ZEB1: variants seen among roughly 807,000 people sequenced by gnomAD.
The protein encoded by ZEB1 is zinc finger E-box-binding homeobox 1.
A neutral mutation model predicts 84.9 loss-of-function variants in ZEB1; 21 were observed. The observed-to-expected ratio is 0.25, with a 90% CI of 0.18 to 0.36. The LOEUF (loss-of-function observed/expected upper bound fraction) is 0.36, where lower values mean the gene tolerates loss of function less well. ZEB1 is among the 10% of genes least tolerant of loss of function. The probability of loss-of-function intolerance (pLI) is 1.00; values close to 1 mark genes in which losing one functional copy is unlikely to be tolerated. For missense variants in ZEB1, 1,104 were observed against 1,330.2 expected (o/e 0.83, Z 2.65); for synonymous variants, 420 against 471.1 (o/e 0.89, Z 1.41).
At chr10:31,522,383 T>C (rs1247820542) in intron 7 of ZEB1, among the ~76,000 whole-genome samples, 1 of 152,208 alleles carries the variant, frequency 6.6e-6, no homozygotes, top group Middle Eastern at 3.2e-3. Flanking sequence ...TACTAATACA[T>C]CTGTTTATAA....
intron 1 of ZEB1, among the ~76,000 whole-genome samples, chr10:31,368,815 G>C (rs1473809197): frequency 2.6e-5 from 4 of 152,162 alleles, no homozygotes; most frequent in African/African-American, 9.7e-5. Context: ...TGGCTGTGGT[G>C]GTGGTATGGT....
At chr10:31,426,406 A>T (rs557598963) in intron 1 of ZEB1, among the ~76,000 whole-genome samples, 1 of 152,112 alleles carries the variant, frequency 6.6e-6, no homozygotes, top group East Asian at 1.9e-4. Context: ...GTAGGTATTC[A>T]TTGACTCGTA....
intron 1 of ZEB1, among the ~76,000 whole-genome samples, chr10:31,349,133 A>T (rs1249038128): frequency 6.6e-6 from 1 of 151,814 alleles, no homozygotes; most frequent in Non-Finnish European, 1.5e-5. Context: ...CATGATTTAG[A>T]CTGTTTTAGA....
intron 6 of ZEB1, among the ~76,000 whole-genome samples, chr10:31,518,916 T>G (rs1214119297): frequency 6.6e-6 from 1 of 152,172 alleles, no homozygotes; most frequent in African/African-American, 2.4e-5. Flanking sequence ...ATAACTCACA[T>G]GTTTAAACTA....
intron 1 of ZEB1, among the ~76,000 whole-genome samples, chr10:31,414,687 A>G (rs1007823457): frequency 1.3e-5 from 2 of 152,174 alleles, no homozygotes; most frequent in African/African-American, 4.8e-5. Context: ...GTAACTCATT[A>G]CAGAATGTCT....
chr10:31,334,421 TAGC>T (rs2037550129), intron 1 of ZEB1, among the ~76,000 whole-genome samples: 1 of 152,114 alleles, frequency 6.6e-6, no homozygotes, highest in Non-Finnish European at 1.5e-5. Flanking sequence ...CTTGTAATGA[TAGC>T]AGTAAATTAT....
At chr10:31,495,528 T>C (rs2067099276) in intron 2 of ZEB1, among the ~76,000 whole-genome samples, 1 of 152,072 alleles carries the variant, frequency 6.6e-6, no homozygotes. Context: ...AAATATAATC[T>C]GTACTGAAAG....
chr10:31,410,861 T>C (rs1240285718), intron 1 of ZEB1, among the ~76,000 whole-genome samples: 1 of 152,240 alleles, frequency 6.6e-6, no homozygotes, highest in Non-Finnish European at 1.5e-5. Context: ...ATCCCCTTTA[T>C]CATTTTTTAT....
chr10:31,427,522 G>C (rs865862854), intron 1 of ZEB1, among the ~76,000 whole-genome samples: 11 of 151,944 alleles, frequency 7.2e-5, no homozygotes, highest in South Asian at 2.1e-4. Context: ...CCTTTCCTCT[G>C]TCTGAGACAT....
At chr10:31,416,085 C>G (rs1384521338) in intron 1 of ZEB1, among the ~76,000 whole-genome samples, 4 of 151,956 alleles carry the variant, frequency 2.6e-5, no homozygotes, top group East Asian at 3.9e-4. Flanking sequence ...TACAGTTTTG[C>G]CCTGTGTAGA....
At chr10:31,427,650 C>G (rs950048353) in intron 1 of ZEB1, among the ~76,000 whole-genome samples, 12 of 151,910 alleles carry the variant, frequency 7.9e-5, no homozygotes, top group African/African-American at 1.5e-4. Context: ...TCAGGAGATC[C>G]AGACCATCCT....
chr10:31,437,573 A>G (rs996245238), intron 1 of ZEB1, among the ~76,000 whole-genome samples: 1 of 152,204 alleles, frequency 6.6e-6, no homozygotes, highest in Admixed American at 6.5e-5. Flanking sequence ...TTACAAAACT[A>G]GGCTCAGGGA....
chr10:31,519,592 A>G (rs1163898007), intron 6 of ZEB1, among the ~76,000 whole-genome samples: 1 of 152,210 alleles, frequency 6.6e-6, no homozygotes, highest in African/African-American at 2.4e-5. Context: ...AGAATATCTT[A>G]TATAAGTTTT....
At chr10:31,454,216 A>C (rs1175230753) in intron 1 of ZEB1, among the ~76,000 whole-genome samples, 1 of 152,194 alleles carries the variant, frequency 6.6e-6, no homozygotes, top group Admixed American at 6.5e-5. Context: ...ACACCCCTTC[A>C]TGCTAGAAAC....
intron 1 of ZEB1, among the ~76,000 whole-genome samples, chr10:31,372,419 A>G (rs1005416888): frequency 1.3e-5 from 2 of 152,064 alleles, no homozygotes; most frequent in African/African-American, 4.8e-5. Context: ...ATCGTATATA[A>G]ATGACAGGCC....
chr10:31,406,745 T>A (rs1275518745), intron 1 of ZEB1, among the ~76,000 whole-genome samples: 1 of 152,206 alleles, frequency 6.6e-6, no homozygotes, highest in African/African-American at 2.4e-5. Flanking sequence ...CTTTTGGTGT[T>A]TTGTTCATGA....
In ZEB1 at chr10:31,484,474, G is replaced by GA. The variant is rs530896214; in HGVS notation, c.260-11296dup. Among the ~76,000 whole-genome samples the GA allele has an allele frequency of 5.9e-4, 90 of 151,980 alleles. 1 individual carries two copies. The East Asian group carries it at 7.0e-3, about 12-fold the overall frequency. On this transcript the variant is annotated intron_variant, in intron 2 of 8. Transcript: ENST00000424869. ...TTACTTAGCCCTATTTTATGGATGA[G>GA]AAAAAATAAGTACAAAAGACATTAG...
chr10:31,418,420 G>A (rs2055587098), intron 1 of ZEB1, among the ~76,000 whole-genome samples: 1 of 152,066 alleles, frequency 6.6e-6, no homozygotes, highest in Non-Finnish European at 1.5e-5. Context: ...TTGAGCTGCA[G>A]AAGAATGCCA....
At chr10:31,351,746 T>G (rs1353980715) in intron 1 of ZEB1, among the ~76,000 whole-genome samples, 1 of 152,206 alleles carries the variant, frequency 6.6e-6, no homozygotes, top group African/African-American at 2.4e-5. Flanking sequence ...CTAAAAATAT[T>G]CCTTTAAGTC....
Sources: gnomAD v4.1 joint callset for allele counts (sites outside exome capture counted in the v4.1 genomes callset) on GRCh38, gnomAD v4.1.1 for gene constraint, MANE v1.5 for transcripts, NCBI Gene and HGNC (gene_info 2026-07-23, HGNC 2026-07-21) for gene names.